The following NTRK2 variants were observed in gnomAD, a reference collection of about 807,000 sequenced individuals.
NTRK2 encodes neurotrophic receptor tyrosine kinase 2, also known as BDNF/NT-3 growth factors receptor.
In NTRK2, 13 loss-of-function variants were observed where a neutral mutation model predicts 94.5. That is an observed-to-expected ratio of 0.14 (90% CI 0.09 to 0.22). The LOEUF is 0.22. Ranked by LOEUF, NTRK2 falls within the 10% of genes least tolerant of loss-of-function variation. The pLI is 1.00. For synonymous variants in NTRK2, 372 were observed against 407.4 expected (o/e 0.91, Z 1.05); for missense variants, 639 against 1,071.2 (o/e 0.60, Z 5.63).
intron 2 of NTRK2, among the ~76,000 whole-genome samples, chr9:84,699,570 A>G (rs2060591846): frequency 1.3e-5 from 2 of 151,930 alleles, no homozygotes; most frequent in African/African-American, 2.4e-5. Flanking sequence ...CATCTCATGA[A>G]TACTGTGAAT....
At chr9:85,012,902 G>T (rs1483821346) in intron 17 of NTRK2, among the ~76,000 whole-genome samples, 1 of 152,154 alleles carries the variant, frequency 6.6e-6, no homozygotes. Flanking sequence ...AATATTGTTA[G>T]CATTAAGGTC....
At chr9:84,877,686 G>A in intron 14 of NTRK2, 2 of 1,062,780 alleles carry the variant, frequency 1.9e-6, no homozygotes, top group Non-Finnish European at 1.1e-6. Context: ...CACATTTCAT[G>A]CAAGGGAGCG....
intron 14 of NTRK2, chr9:84,877,357 G>A (rs1404441713): frequency 1.9e-6 from 2 of 1,066,084 alleles, no homozygotes; most frequent in African/African-American, 3.3e-5. Context: ...AGGGTTGCTG[G>A]GTTGGGGGAT....
intron 14 of NTRK2, among the ~76,000 whole-genome samples, chr9:84,928,783 A>C (rs956091119): frequency 3.9e-5 from 6 of 152,228 alleles, no homozygotes; most frequent in African/African-American, 1.4e-4. Flanking sequence ...ATTTAGGACC[A>C]CAGGGAAACC....
intron 6 of NTRK2, among the ~76,000 whole-genome samples, chr9:84,717,556 A>T (rs2061778563): frequency 6.6e-6 from 1 of 152,258 alleles, no homozygotes; most frequent in Non-Finnish European, 1.5e-5. Context: ...GGCCAACCCC[A>T]CTGACTAGCT....
At chr9:84,761,919 T>C (rs1197594665) in intron 12 of NTRK2, among the ~76,000 whole-genome samples, 1 of 152,194 alleles carries the variant, frequency 6.6e-6, no homozygotes, top group Non-Finnish European at 1.5e-5. Flanking sequence ...CTCCCATAAT[T>C]CTCATGTGTC....
At chr9:84,823,560 A>G (rs1208319034) in intron 12 of NTRK2, among the ~76,000 whole-genome samples, 4 of 152,218 alleles carry the variant, frequency 2.6e-5, no homozygotes, top group African/African-American at 9.7e-5. Flanking sequence ...TCAAATGACT[A>G]CAGGTTGGGA....
chr9:84,912,613 T>A (rs1487484749), intron 14 of NTRK2, among the ~76,000 whole-genome samples: 1 of 79,850 alleles, frequency 1.3e-5, no homozygotes, highest in African/African-American at 6.5e-5. Flanking sequence ...TGACTTGCCT[T>A]TTTTTTTTTT....
chr9:84,687,408 A>T (rs945595296), intron 2 of NTRK2, among the ~76,000 whole-genome samples: 1 of 152,170 alleles, frequency 6.6e-6, no homozygotes, highest in Non-Finnish European at 1.5e-5. Context: ...AGATCAGGTA[A>T]CCCTGGAGTG....
At chr9:84,958,210 A>C (rs1035879427) in intron 17 of NTRK2, among the ~76,000 whole-genome samples, 1 of 152,140 alleles carries the variant, frequency 6.6e-6, no homozygotes, top group East Asian at 1.9e-4. Flanking sequence ...CAAAAAAAAA[A>C]CACTGAATCA....
At chr9:84,747,566 C>G (rs1423990760) in intron 11 of NTRK2, among the ~76,000 whole-genome samples, 2 of 150,920 alleles carry the variant, frequency 1.3e-5, no homozygotes, top group Non-Finnish European at 2.9e-5. Flanking sequence ...CAAGCTCTGC[C>G]TGCCGGGTTC....
At chr9:84,755,283 C>G (rs2064981739) in intron 12 of NTRK2, among the ~76,000 whole-genome samples, 1 of 152,176 alleles carries the variant, frequency 6.6e-6, no homozygotes, top group Non-Finnish European at 1.5e-5. Context: ...GCAGCACAGA[C>G]TTTGAGCTCC....
intron 17 of NTRK2, among the ~76,000 whole-genome samples, chr9:84,966,231 A>G (rs573515353): frequency 6.6e-6 from 1 of 152,314 alleles, no homozygotes; most frequent in African/African-American, 2.4e-5. Context: ...AGTACTATAG[A>G]ACTTCCTACT....
intron 17 of NTRK2, among the ~76,000 whole-genome samples, chr9:85,018,950 C>T (rs1292979745): frequency 6.6e-6 from 1 of 152,038 alleles, no homozygotes; most frequent in African/African-American, 2.4e-5. Context: ...AGTTTTTGTC[C>T]CTATTTGTCA....
chr9:84,944,945 A>G (rs867737720), intron 15 of NTRK2, among the ~76,000 whole-genome samples: 4 of 152,332 alleles, frequency 2.6e-5, no homozygotes, highest in Middle Eastern at 3.4e-3. Context: ...CCTCACTCTC[A>G]AAGAAGAAAA....
rs569499260 is a variant in NTRK2 at position 84,884,305 on chromosome 9, C to A, written c.1633+16874C>A. On this transcript the variant is annotated intron_variant, in intron 14 of 18. Transcript: ENST00000277120. ...TATAACCTGCTCTTATAAATAAAAA[C>A]TCTTGCATATAACTCAGTTGAAAAC... Among the ~76,000 whole-genome samples the A allele has an allele frequency of 3.3e-5, 5 of 152,296 alleles. 1 individual carries two copies. The highest frequency in any genetic ancestry group is 1.2e-4 in the African/African-American group (5 of 41,570).
intron 12 of NTRK2, among the ~76,000 whole-genome samples, chr9:84,857,155 G>A (rs1441626021): frequency 6.6e-6 from 1 of 151,302 alleles, no homozygotes; most frequent in Non-Finnish European, 1.5e-5. Context: ...TCTTAGAGTT[G>A]TTAATGTGTT....
At chr9:84,849,142 A>T (rs1244774986) in intron 12 of NTRK2, among the ~76,000 whole-genome samples, 5 of 152,194 alleles carry the variant, frequency 3.3e-5, no homozygotes, top group Non-Finnish European at 7.3e-5. Flanking sequence ...GATAACCCTT[A>T]AAACAGAAAA....
intron 12 of NTRK2, among the ~76,000 whole-genome samples, chr9:84,767,920 G>A (rs1371441367): frequency 1.3e-5 from 2 of 152,122 alleles, no homozygotes; most frequent in African/African-American, 4.8e-5. Flanking sequence ...TTATGGGTTA[G>A]CAAACTCAGA....
Sources: allele counts gnomAD v4.1 joint callset (sites outside exome capture counted in the v4.1 genomes callset), GRCh38; gene constraint gnomAD v4.1.1; transcripts MANE v1.5; gene names NCBI Gene and HGNC (gene_info 2026-07-23, HGNC 2026-07-21).